The following TUSC3 variants were observed in gnomAD, a reference collection of about 807,000 sequenced individuals.
The protein encoded by TUSC3 is dolichyl-diphosphooligosaccharide--protein glycosyltransferase subunit TUSC3.
A neutral mutation model predicts 44.8 loss-of-function variants in TUSC3; 45 were observed. The ratio of observed to expected loss-of-function variants is 1.00; its 90% confidence interval spans 0.79 to 1.29. The LOEUF is 1.29. Among genes scored for constraint, TUSC3 ranks in the 50% most tolerant of loss-of-function variants. The pLI is 0.00. For missense variants in TUSC3, 519 were observed against 437.9 expected (o/e 1.19, Z -1.65); for synonymous variants, 212 against 152.9 (o/e 1.39, Z -2.85).
intron 6 of TUSC3, among the ~76,000 whole-genome samples, chr8:15,701,293 T>G (rs192581642): frequency 1.3e-5 from 2 of 152,268 alleles, no homozygotes; most frequent in East Asian, 3.9e-4. Flanking sequence ...ACTGTTATGA[T>G]TTTTATCACC....
intron 1 of TUSC3, among the ~76,000 whole-genome samples, chr8:15,572,627 T>A (rs369237224): frequency 6.6e-6 from 1 of 152,194 alleles, no homozygotes; most frequent in African/African-American, 2.4e-5. Context: ...GCTTTCCACA[T>A]GCCTTCCTCA....
intron 10 of TUSC3, among the ~76,000 whole-genome samples, chr8:15,759,125 C>T (rs1269177977): frequency 6.6e-6 from 1 of 152,132 alleles, no homozygotes; most frequent in Non-Finnish European, 1.5e-5. Flanking sequence ...AGTTACACTA[C>T]CCACAAGGTC....
the TUSC3 span, among the ~76,000 whole-genome samples, chr8:15,836,151 T>G: frequency 6.6e-6 from 1 of 152,008 alleles, no homozygotes; most frequent in East Asian, 1.9e-4. Flanking sequence ...ATTATTTTTT[T>G]TTGTTTTCAA....
At chr8:15,706,405 C>G (rs1036271606) in intron 6 of TUSC3, among the ~76,000 whole-genome samples, 9 of 151,966 alleles carry the variant, frequency 5.9e-5, no homozygotes, top group African/African-American at 1.9e-4. Flanking sequence ...CATAATCTAA[C>G]AAGAACATCC....
At chr8:15,626,712 G>A (rs1398475540) in intron 2 of TUSC3, among the ~76,000 whole-genome samples, 3 of 152,198 alleles carry the variant, frequency 2.0e-5, no homozygotes, top group African/African-American at 7.2e-5. Flanking sequence ...CAAGGATTGG[G>A]CACTGTTGGA....
At chr8:15,613,484 A>C (rs991758583) in intron 1 of TUSC3, among the ~76,000 whole-genome samples, 1 of 152,140 alleles carries the variant, frequency 6.6e-6, no homozygotes, top group South Asian at 2.1e-4. Context: ...TACAAACATC[A>C]AGTCTCATGA....
intron 2 of TUSC3, among the ~76,000 whole-genome samples, chr8:15,636,135 C>T (rs888235261): frequency 2.0e-5 from 3 of 152,172 alleles, no homozygotes; most frequent in South Asian, 2.1e-4. Flanking sequence ...AGAACAACCA[C>T]GCCTGTTTTT....
chr8:15,549,809 CTGAATCAAGGT>C (rs1801994216), intron 1 of TUSC3, among the ~76,000 whole-genome samples: 1 of 151,516 alleles, frequency 6.6e-6, no homozygotes, highest in South Asian at 2.1e-4. Flanking sequence ...GGAAGGATGG[CTGAATCAAGGT>C]TGAATACTAC....
At chr8:15,545,021 T>A (rs1801815995) in intron 1 of TUSC3, among the ~76,000 whole-genome samples, 1 of 151,838 alleles carries the variant, frequency 6.6e-6, no homozygotes, top group Non-Finnish European at 1.5e-5. Flanking sequence ...TTTTACATGT[T>A]ACATACGTAT....
intron 2 of TUSC3, among the ~76,000 whole-genome samples, chr8:15,492,653 C>T (rs1800823794): frequency 6.6e-6 from 1 of 151,814 alleles, no homozygotes; most frequent in Non-Finnish European, 1.5e-5. Flanking sequence ...TGTCACGTAA[C>T]AGGCTGGGCA....
intron 1 of TUSC3, among the ~76,000 whole-genome samples, chr8:15,612,551 A>T (rs898759932): frequency 1.3e-5 from 2 of 152,224 alleles, no homozygotes; most frequent in African/African-American, 4.8e-5. Flanking sequence ...TATATAGATT[A>T]TGCCAGCTTG....
intron 1 of TUSC3, among the ~76,000 whole-genome samples, chr8:15,449,797 A>T (rs183050605): frequency 3.4e-4 from 52 of 152,282 alleles, no homozygotes; most frequent in Middle Eastern, 3.4e-3. Flanking sequence ...AATTCCATTC[A>T]TGGTAAGTGC....
chr8:15,556,990 C>A (rs193000782), intron 1 of TUSC3, among the ~76,000 whole-genome samples: 1 of 147,278 alleles, frequency 6.8e-6, no homozygotes, highest in Non-Finnish European at 1.5e-5. Context: ...TTTTGCTGTG[C>A]AGAAGCTCTT....
chr8:15,536,606 TG>T (rs1367278645), upstream of TUSC3, among the ~76,000 whole-genome samples: 1 of 137,900 alleles, frequency 7.3e-6, no homozygotes, highest in African/African-American at 2.7e-5. Context: ...AGCTTGAACC[TG>T]GGAGGCGGAG....
intron 6 of TUSC3, among the ~76,000 whole-genome samples, chr8:15,675,975 G>A (rs532452419): frequency 6.6e-6 from 1 of 152,178 alleles, no homozygotes; most frequent in African/African-American, 2.4e-5. Flanking sequence ...GGGTCGAACG[G>A]TAGTTCTATC....
At chr8:15,418,393 C>G (rs1174100919) in intron 1 of TUSC3, among the ~76,000 whole-genome samples, 1 of 152,106 alleles carries the variant, frequency 6.6e-6, no homozygotes, top group Admixed American at 6.6e-5. Context: ...GCCAGAAACT[C>G]TGAAAGTTTT....
intron 1 of TUSC3, among the ~76,000 whole-genome samples, chr8:15,560,543 G>A (rs987112301): frequency 1.4e-5 from 2 of 148,068 alleles, no homozygotes; most frequent in African/African-American, 2.5e-5. Context: ...GAATCTGAAC[G>A]TTGGCCTGCC....
chr8:15,505,847 G>C (rs1292512436), intron 2 of TUSC3, among the ~76,000 whole-genome samples: 1 of 152,128 alleles, frequency 6.6e-6, no homozygotes, highest in Admixed American at 6.5e-5. Flanking sequence ...ATAGTTGAGA[G>C]AATATTTCTT....
At chr8:15,495,704 C>T (rs896819105) in intron 2 of TUSC3, among the ~76,000 whole-genome samples, 1 of 152,154 alleles carries the variant, frequency 6.6e-6, no homozygotes, top group Admixed American at 6.5e-5. Context: ...CTGGGTTACT[C>T]TTCCAGGGAA....
Sources: allele counts gnomAD v4.1 joint callset (sites outside exome capture counted in the v4.1 genomes callset), GRCh38; gene constraint gnomAD v4.1.1; transcripts MANE v1.5; gene names NCBI Gene and HGNC (gene_info 2026-07-23, HGNC 2026-07-21).